Variants in PEX26 observed in about 807,000 individuals in gnomAD.
The protein encoded by PEX26 is peroxisome assembly protein 26.
PEX26 carries 18 observed loss-of-function variants against 31.4 expected under a neutral mutation model. The ratio of observed to expected loss-of-function variants is 0.57; its 90% confidence interval spans 0.40 to 0.85. The LOEUF is 0.85. Among genes scored for constraint, PEX26 ranks in the 40% least tolerant of loss-of-function variants. The probability of loss-of-function intolerance (pLI) is 0.00; values close to 1 mark genes in which losing one functional copy is unlikely to be tolerated. For missense variants in PEX26, 377 were observed against 383.9 expected (o/e 0.98, Z 0.15); for synonymous variants, 176 against 166.9 (o/e 1.05, Z -0.42).
At chr22:18,084,237 C>CTTTTTTTTTTTTTTTTTTTTTTTT (rs362041) in intron 3 of PEX26, among the ~76,000 whole-genome samples, 1 of 95,320 alleles carries the variant, frequency 1.0e-5, no homozygotes, top group African/African-American at 3.9e-5. Flanking sequence ...ATCTCTCTCT[C>CTTTTTTTTTTTTTTTTTTTTTTTT]TTTTTTTTTT....
At chr22:18,078,705 C>A in intron 1 of PEX26, 99 bp downstream of exon 1, 1 of 1,055,744 alleles carries the variant, frequency 9.5e-7, no homozygotes, top group Non-Finnish European at 1.4e-6. Flanking sequence ...CCACAAGGAG[C>A]TTTACACCTC....
At chr22:18,084,933 G>A (rs1198233035) in intron 3 of PEX26, among the ~76,000 whole-genome samples, 179 bp from the exon 4 acceptor site, 2 of 151,968 alleles carry the variant, frequency 1.3e-5, no homozygotes, top group East Asian at 3.9e-4. Flanking sequence ...ATGTTAGCCA[G>A]GATGGTCTCG....
chr22:18,079,180 AG>A (rs1168709972), intron 1 of PEX26: 3 of 984,388 alleles, frequency 3.0e-6, no homozygotes, highest in Non-Finnish European at 3.6e-6. Flanking sequence ...ACCAAAAAGA[AG>A]AAAAAGAAAA....
chr22:18,088,253 G>A lies in PEX26; in HGVS notation c.*178G>A, dbSNP rs1292353880. On this transcript the variant is annotated 3_prime_UTR_variant, in exon 5 of 5. Coordinates refer to ENST00000399744, the MANE Select transcript of PEX26 (RefSeq NM_001127649.3). The surrounding 1 kb of genome is among the most constrained non-coding windows in gnomAD (Gnocchi z 4.1). ...TTGCACCCTACTTCGGCTGGTCGCGGTAGATGATGTGGAAACAAAGCAGGA... is the reference window on the plus strand; with the variant it reads ...TTGCACCCTACTTCGGCTGGTCGCGATAGATGATGTGGAAACAAAGCAGGA... The A allele has an allele frequency of 1.4e-6, 1 of 698,458 alleles. No individual in the cohort carries two copies. Among genetic ancestry groups the A allele is most frequent in the Non-Finnish European group, 2.6e-6 (1 of 381,326 alleles). 43.3% of individuals were successfully genotyped at this position (698,458 alleles called of 1,614,324 possible).
In PEX26 at chr22:18,078,453, G is replaced by T. The variant is rs770555305; in HGVS notation, c.77G>T (p.Arg26Leu). The T allele has an allele frequency of 3.2e-6, 5 of 1,577,650 alleles. No homozygotes were observed. Among genetic ancestry groups the T allele is most frequent in the Non-Finnish European group, 4.3e-6 (5 of 1,164,446 alleles). Reference sequence around the variant, plus strand: ...CCCCTGCGCAGCAGCGAGCCGGTGCGCGCGGTCCCGGCCCGGGCGCCGGCC... The same window carrying T: ...CCCCTGCGCAGCAGCGAGCCGGTGCTCGCGGTCCCGGCCCGGGCGCCGGCC... ...GGPLRSSEPV[R>L]AVPARAPAVD... Residue 26 changes from arginine to leucine, a missense_variant, in exon 1 of 5, where the codon CGC (arginine) becomes CTC (leucine). Physicochemically the swap from Arg to Leu is moderately radical, Grantham distance 102. Transcript: ENST00000399744.
At chr22:18,084,243 T>C (rs1602463820) in intron 3 of PEX26, among the ~76,000 whole-genome samples, 4 of 149,378 alleles carry the variant, frequency 2.7e-5, no homozygotes, top group Admixed American at 1.3e-4. Flanking sequence ...CTCTCTTTTT[T>C]TTTTTTTTTT....
chr22:18,081,972 T>C (rs1602460590), intron 2 of PEX26, among the ~76,000 whole-genome samples: 2 of 152,148 alleles, frequency 1.3e-5, no homozygotes, highest in Non-Finnish European at 2.9e-5. Flanking sequence ...TGATGATTAG[T>C]AGTGTTGAGC....
At position 18,078,573 on chromosome 22, in the gene PEX26, C is replaced by T. The variant is rs1170739613; in HGVS notation, c.197C>T (p.Ala66Val). 1.3e-6 allele frequency: 2 copies of T among 1,598,244 alleles called. No individual in the cohort carries two copies. Among genetic ancestry groups the T allele is most frequent in the Non-Finnish European group, 1.7e-6 (2 of 1,175,004 alleles). ...ETCERAWQSL[A>V]NHAVAEEPAG... ...TGCGAGCGGGCCTGGCAGAGTCTGG[C>T]CAACCACGCCGTGGCAGAGGAACCC... The change falls in exon 1 of 5, where the codon GCC becomes GTC. Residue 66 changes from alanine to valine, a missense_variant. Transcript: ENST00000399744.
chr22:18,088,078 G>T lies in PEX26; in HGVS notation c.*3G>T, dbSNP rs762893664. 6.3e-7 allele frequency: 1 copy of T among 1,586,790 alleles called. No individual in the cohort carries two copies. ...ACCAGCTCCGCATCCGTGACTGAGG[G>T]TCCCTGCGCACCACAGCCTCTCTGC... On this transcript the variant is annotated 3_prime_UTR_variant, in exon 5 of 5. Coordinates refer to ENST00000399744, the MANE Select transcript of PEX26 (RefSeq NM_001127649.3). This position sits in a 1 kb window ranked among gnomAD's most constrained non-coding sequence, Gnocchi z 4.1.
Position 18,078,466 on chromosome 22 carries a change from C to T in PEX26, c.90C>T (p.Ala30=). The T allele has an allele frequency of 2.5e-6, 4 of 1,575,732 alleles. No homozygotes were observed. Among genetic ancestry groups the T allele is most frequent in the Non-Finnish European group, 1.7e-6 (2 of 1,163,282 alleles). The change falls in exon 1 of 5, where the codon GCC becomes GCT. Residue 30 remains alanine, a synonymous_variant. Coordinates refer to ENST00000399744, the MANE Select transcript of PEX26 (RefSeq NM_001127649.3). ...RSSEPVRAVP[A]RAPAVDLLEE... is the part of the protein sequence containing the mutation. Reference sequence around the variant, plus strand: ...GCGAGCCGGTGCGCGCGGTCCCGGCCCGGGCGCCGGCCGTGGACCTTCTGG... The same window carrying T: ...GCGAGCCGGTGCGCGCGGTCCCGGCTCGGGCGCCGGCCGTGGACCTTCTGG...
rs1927194917 is a variant in PEX26, at chr22:18,093,592, T to G, written c.*5517T>G. 6.6e-6 allele frequency: 1 copy of G among 151,998 alleles called. No homozygotes were observed. Among genetic ancestry groups the G allele is most frequent in the East Asian group, 1.9e-4 (1 of 5,194 alleles). 9.4% of individuals were successfully genotyped at this position (151,998 alleles called of 1,614,324 possible). Reference sequence around the variant, plus strand: ...AAAAAAAAAACAAAAATAAACCTTTTAAATAAAGTGGTTACATTCTAACTT... The same window carrying G: ...AAAAAAAAAACAAAAATAAACCTTTGAAATAAAGTGGTTACATTCTAACTT... On this transcript the variant is annotated 3_prime_UTR_variant, in exon 5 of 5. Transcript: ENST00000399744.
At chr22:18,087,067 C>T (rs903565429) in intron 4 of PEX26, among the ~76,000 whole-genome samples, 7 of 151,978 alleles carry the variant, frequency 4.6e-5, no homozygotes, top group Non-Finnish European at 7.4e-5. Flanking sequence ...CATGTGCCTC[C>T]ATGCCCGGCT....
At chr22:18,083,268 G>T (rs1481242565) in intron 2 of PEX26, among the ~76,000 whole-genome samples, 169 bp from the exon 3 acceptor site, 1 of 152,198 alleles carries the variant, frequency 6.6e-6, no homozygotes, top group Non-Finnish European at 1.5e-5. Context: ...TGCTGTTAGT[G>T]ATGGGTGTGT....
Position 18,078,439 on chromosome 22 carries a change from C to T in PEX26, c.63C>T (p.Ser21=), listed in dbSNP as rs1487562921. The T allele has an allele frequency of 1.3e-6, 2 of 1,574,446 alleles. No individual in the cohort carries two copies. The highest frequency in any genetic ancestry group is 1.7e-6 in the Non-Finnish European group (2 of 1,164,828). Residue 21 remains serine (S), a synonymous_variant, in exon 1 of 5, where the codon AGC becomes AGT. Transcript: ENST00000399744. The part of the protein sequence containing the change: ...PLRGLGGPLR[S]SEPVRAVPAR... The stretch of plus-strand genomic sequence containing the variant: ...GGGGGCTCGGGGGACCCCTGCGCAG[C>T]AGCGAGCCGGTGCGCGCGGTCCCGG...
chr22:18,080,879 C>T (rs1404961043), intron 2 of PEX26, among the ~76,000 whole-genome samples: 1 of 152,092 alleles, frequency 6.6e-6, no homozygotes, highest in Admixed American at 6.5e-5. Context: ...ACAACTTATT[C>T]CTCCTATCCC....
intron 3 of PEX26, 45 bp from the exon 4 acceptor site, chr22:18,085,067 G>C: frequency 6.2e-7 from 1 of 1,609,348 alleles, no homozygotes; most frequent in Non-Finnish European, 8.5e-7. Flanking sequence ...CAGGGAAGCT[G>C]ATTCCCATGA....
intron 2 of PEX26, among the ~76,000 whole-genome samples, chr22:18,082,961 A>G (rs5992995): frequency 0.11 from 16,760 of 152,044 alleles, 1,168 homozygotes; most frequent in Admixed American, 0.2. Flanking sequence ...AGCTATTGTA[A>G]ATCGAATTGT....
Position 18,078,559 on chromosome 22 carries a change from C to G in PEX26, c.183C>G (p.Ala61=). The change falls in exon 1 of 5, where the codon GCC becomes GCG. Residue 61 remains alanine (A), a synonymous_variant. Coordinates refer to ENST00000399744, the MANE Select transcript of PEX26 (RefSeq NM_001127649.3). ...CGGCGCTGGAGACCTGCGAGCGGGC[C>G]TGGCAGAGTCTGGCCAACCACGCCG... is the stretch of plus-strand genomic sequence containing the variant. ...FRAALETCER[A]WQSLANHAVA... The G allele has an allele frequency of 1.3e-6, 2 of 1,594,110 alleles. No individual in the cohort carries two copies. Among genetic ancestry groups the G allele is most frequent in the Non-Finnish European group, 8.5e-7 (1 of 1,172,986 alleles).
chr22:18,078,993 G>C, intron 1 of PEX26: 2 of 380,848 alleles, frequency 5.3e-6, no homozygotes, highest in South Asian at 4.2e-5. Context: ...GGGGAATGGG[G>C]GTCATGGCAG....
Sources: gnomAD v4.1 joint callset for allele counts (sites outside exome capture counted in the v4.1 genomes callset) on GRCh38, gnomAD v4.1.1 for gene constraint, Gnocchi (gnomAD v3.1) non-coding constraint, MANE v1.5 for transcripts, NCBI Gene and HGNC (gene_info 2026-07-23, HGNC 2026-07-21) for gene names.